The following ALCAM variants were observed in gnomAD, a reference collection of about 807,000 sequenced individuals.
The protein encoded by ALCAM is activated leukocyte cell adhesion molecule.
ALCAM carries 30 observed loss-of-function variants against 70.9 expected under a neutral mutation model. That is an observed-to-expected ratio of 0.42 (90% CI 0.32 to 0.57). ALCAM has a LOEUF of 0.57. Among genes scored for constraint, ALCAM ranks in the 20% least tolerant of loss-of-function variants. The pLI is 0.11. For missense variants in ALCAM, 591 were observed against 695.1 expected (o/e 0.85, Z 1.68); for synonymous variants, 249 against 242.5 (o/e 1.03, Z -0.25).
intron 14 of ALCAM, among the ~76,000 whole-genome samples, chr3:105,557,284 C>T (rs1462498957): frequency 6.6e-6 from 1 of 151,942 alleles, no homozygotes; most frequent in East Asian, 1.9e-4. Flanking sequence ...AAAGAAAATA[C>T]CTCACTATCT....
In ALCAM at chr3:105,442,469, C is replaced by T. The variant is rs376726927; in HGVS notation, c.73+74988C>T. Among the ~76,000 whole-genome samples the T allele has an allele frequency of 9.6e-4, 146 of 152,030 alleles. 1 individual carries two copies. Among genetic ancestry groups the T allele is most frequent in the African/African-American group, 3.4e-3 (140 of 41,478 alleles). On this transcript the variant is annotated intron_variant, in intron 1 of 15. Coordinates refer to ENST00000306107, the MANE Select transcript of ALCAM (RefSeq NM_001627.4). Reference sequence around the variant, plus strand: ...GAGAAAAAAAGATTTTTAAAAAGAGCGAGAGTTACTCATAAAAAATGAGTA... The same window carrying T: ...GAGAAAAAAAGATTTTTAAAAAGAGTGAGAGTTACTCATAAAAAATGAGTA...
In ALCAM at chr3:105,575,495, A is replaced by G. The variant is rs1940944008; in HGVS notation, c.*1044A>G. 1 of 152,550 alleles carries G rather than the reference A, an allele frequency of 6.6e-6. No homozygotes were observed. Among genetic ancestry groups the G allele is most frequent in the East Asian group, 1.9e-4 (1 of 5,190 alleles). 9.4% of individuals were successfully genotyped at this position (152,550 alleles called of 1,614,324 possible). On this transcript the variant is annotated 3_prime_UTR_variant, in exon 16 of 16. Transcript: ENST00000306107. ...CGTGTGTGTTTTTGTTAACTACCCTACAGATATTGAATGCACCTTGAGATA... is the reference window on the plus strand; with the variant it reads ...CGTGTGTGTTTTTGTTAACTACCCTGCAGATATTGAATGCACCTTGAGATA...
At chr3:105,400,083 A>T (rs1322296600) in intron 1 of ALCAM, among the ~76,000 whole-genome samples, 1 of 152,154 alleles carries the variant, frequency 6.6e-6, no homozygotes, top group African/African-American at 2.4e-5. Context: ...GGTTATAAGC[A>T]TAATAGTTGG....
At chr3:105,559,107 G>T (rs934097701) in intron 14 of ALCAM, among the ~76,000 whole-genome samples, 1 of 150,846 alleles carries the variant, frequency 6.6e-6, no homozygotes, top group Non-Finnish European at 1.5e-5. Context: ...AGGCACCGAT[G>T]AGGAAAATTT....
At chr3:105,444,350 G>A (rs1395313902) in intron 1 of ALCAM, among the ~76,000 whole-genome samples, 1 of 152,148 alleles carries the variant, frequency 6.6e-6, no homozygotes. Flanking sequence ...GGTGGCAGGA[G>A]AGAGATAACA....
intron 14 of ALCAM, among the ~76,000 whole-genome samples, chr3:105,567,488 C>T (rs1222398280): frequency 6.6e-6 from 1 of 151,468 alleles, no homozygotes; most frequent in Non-Finnish European, 1.5e-5. Flanking sequence ...TTACTGTTTT[C>T]TTTCTCTCTG....
chr3:105,487,635 A>G (rs991834225), intron 1 of ALCAM, among the ~76,000 whole-genome samples: 3 of 152,166 alleles, frequency 2.0e-5, no homozygotes, highest in Admixed American at 2.0e-4. Context: ...TTCACCAGAA[A>G]TTATATTCTC....
chr3:105,540,173 A>T, intron 7 of ALCAM, 71 bp downstream of exon 7: 1 of 1,423,632 alleles, frequency 7.0e-7, no homozygotes, highest in Non-Finnish European at 9.5e-7. Context: ...ACATGGATAG[A>T]TTAAGTGAGA....
chr3:105,460,825 G>A (rs1167791014), intron 1 of ALCAM, among the ~76,000 whole-genome samples: 2 of 151,866 alleles, frequency 1.3e-5, no homozygotes, highest in Non-Finnish European at 2.9e-5. Context: ...ATTAAAGGAG[G>A]ATTAGTTTTC....
At chr3:105,527,627 C>T (rs1939737923) in intron 3 of ALCAM, among the ~76,000 whole-genome samples, 1 of 151,804 alleles carries the variant, frequency 6.6e-6, no homozygotes, top group African/African-American at 2.4e-5. Flanking sequence ...GGAGTTGCTC[C>T]AGCTCTAAAA....
chr3:105,427,188 T>G (rs115622270), intron 1 of ALCAM, among the ~76,000 whole-genome samples: 2,339 of 151,950 alleles, frequency 0.015, 26 homozygotes, highest in Middle Eastern at 0.048. Context: ...AGAGTATATA[T>G]AGAGAGGGAG....
chr3:105,522,224 CAA>C (rs1175476808), intron 2 of ALCAM, among the ~76,000 whole-genome samples: 1 of 152,078 alleles, frequency 6.6e-6, no homozygotes, highest in African/African-American at 2.4e-5. Flanking sequence ...TTTAGTTCAG[CAA>C]AAGTCTTCAG....
At chr3:105,413,255 T>G (rs1177175350) in intron 1 of ALCAM, among the ~76,000 whole-genome samples, 3 of 152,158 alleles carry the variant, frequency 2.0e-5, no homozygotes, top group African/African-American at 4.8e-5. Flanking sequence ...GACTGATGTT[T>G]GATAGGTGTC....
intron 14 of ALCAM, among the ~76,000 whole-genome samples, chr3:105,565,650 T>C (rs976504001): frequency 7.2e-5 from 11 of 152,188 alleles, no homozygotes; most frequent in African/African-American, 2.7e-4. Flanking sequence ...TTTCTTTGCA[T>C]GTTTAGTAAT....
At chr3:105,528,097 G>A (rs761710893) in intron 3 of ALCAM, among the ~76,000 whole-genome samples, 2 of 152,084 alleles carry the variant, frequency 1.3e-5, no homozygotes, top group Admixed American at 6.6e-5. Context: ...GAGTCAACAC[G>A]ACCATTTGCA....
intron 1 of ALCAM, among the ~76,000 whole-genome samples, chr3:105,400,963 A>G (rs1323349404): frequency 1.3e-5 from 2 of 152,246 alleles, no homozygotes; most frequent in Non-Finnish European, 2.9e-5. Context: ...CATTTTGTAC[A>G]CAAAGTAGGC....
intron 12 of ALCAM, among the ~76,000 whole-genome samples, chr3:105,551,712 T>C (rs1430229808): frequency 1.3e-5 from 2 of 151,622 alleles, no homozygotes; most frequent in Admixed American, 1.3e-4. Context: ...TCTCTAGTGG[T>C]AAGTCCTTGA....
chr3:105,490,337 C>T (rs557736380), intron 1 of ALCAM, among the ~76,000 whole-genome samples: 4 of 152,326 alleles, frequency 2.6e-5, no homozygotes, highest in African/African-American at 9.6e-5. Flanking sequence ...ATAGCTTTAA[C>T]CGTTAAGGAA....
chr3:105,525,853 G>A (rs148234018), intron 3 of ALCAM, among the ~76,000 whole-genome samples: 154 of 152,304 alleles, frequency 1.0e-3, no homozygotes, highest in African/African-American at 2.8e-3. Context: ...CTTCTCGATC[G>A]TTGTATGAAT....
Sources: gnomAD v4.1 joint callset for allele counts (sites outside exome capture counted in the v4.1 genomes callset) on GRCh38, gnomAD v4.1.1 for gene constraint, MANE v1.5 for transcripts, NCBI Gene and HGNC (gene_info 2026-07-23, HGNC 2026-07-21) for gene names.